The following TRPM3 variants were observed in gnomAD, a reference collection of about 807,000 sequenced individuals.
The protein encoded by TRPM3 is transient receptor potential cation channel subfamily M member 3.
TRPM3 carries 77 observed loss-of-function variants against 181.2 expected under a neutral mutation model. The ratio of observed to expected loss-of-function variants is 0.42; its 90% CI spans 0.35 to 0.51. The LOEUF is 0.51. TRPM3 is among the 20% of genes least tolerant of loss of function. The probability of loss-of-function intolerance (pLI) is 0.01; values close to 1 mark genes in which losing one functional copy is unlikely to be tolerated. For synonymous variants in TRPM3, 745 were observed against 796.4 expected (o/e 0.94, Z 1.09); for missense variants, 1,759 against 2,196.7 (o/e 0.80, Z 3.98).
chr9:71,041,974 TA>T (rs1488967498), intron 1 of TRPM3, among the ~76,000 whole-genome samples: 1 of 152,174 alleles, frequency 6.6e-6, no homozygotes, highest in Non-Finnish European at 1.5e-5. Flanking sequence ...AATTATTGAA[TA>T]CCAATTTCAT....
intron 1 of TRPM3, among the ~76,000 whole-genome samples, chr9:71,130,041 A>G (rs768694): frequency 0.1 from 15,594 of 152,240 alleles, 989 homozygotes; most frequent in Non-Finnish European, 0.15. Context: ...TTTTGCAAAT[A>G]TGAGGTAAGT....
intron 25 of TRPM3, 138 bp downstream of exon 25, chr9:70,549,404 C>T: frequency 2.6e-6 from 3 of 1,167,924 alleles, no homozygotes; most frequent in South Asian, 1.7e-5. Flanking sequence ...GTTCTGTTCT[C>T]TCATAAGCTC....
At chr9:70,540,551 C>G (rs145491105) in intron 25 of TRPM3, among the ~76,000 whole-genome samples, 1 of 152,228 alleles carries the variant, frequency 6.6e-6, no homozygotes, top group East Asian at 1.9e-4. Context: ...ACAGAAGAGT[C>G]AGGACCTAAA....
At chr9:70,985,736 A>T (rs769924507) in intron 1 of TRPM3, among the ~76,000 whole-genome samples, 14 of 152,122 alleles carry the variant, frequency 9.2e-5, no homozygotes, top group Non-Finnish European at 1.9e-4. Context: ...TAATCTCTGC[A>T]CTCATGCAAT....
chr9:71,435,030 T>C (rs2094011836), intron 1 of TRPM3, among the ~76,000 whole-genome samples: 1 of 152,140 alleles, frequency 6.6e-6, no homozygotes, highest in Admixed American at 6.5e-5. Flanking sequence ...CATTTTGCAA[T>C]ATCCATGGAG....
chr9:70,590,203 A>C (rs1333144472), intron 22 of TRPM3, among the ~76,000 whole-genome samples: 2 of 152,196 alleles, frequency 1.3e-5, no homozygotes, highest in Non-Finnish European at 2.9e-5. Flanking sequence ...CTTTCTTCCC[A>C]AAAAATTTCC....
At chr9:71,169,840 T>G (rs2076753493) in intron 1 of TRPM3, among the ~76,000 whole-genome samples, 1 of 150,864 alleles carries the variant, frequency 6.6e-6, no homozygotes, top group Non-Finnish European at 1.5e-5. Context: ...ATTTTTATAT[T>G]TTTTATAAAA....
intron 1 of TRPM3, among the ~76,000 whole-genome samples, chr9:71,218,028 T>C (rs1247512360): frequency 6.6e-6 from 1 of 152,210 alleles, no homozygotes; most frequent in East Asian, 1.9e-4. Context: ...AATAATTTTT[T>C]CCAATAATAA....
chr9:71,401,092 G>A (rs2093331482), intron 1 of TRPM3, among the ~76,000 whole-genome samples: 1 of 151,570 alleles, frequency 6.6e-6, no homozygotes, highest in African/African-American at 2.4e-5. Flanking sequence ...CAGCTACTCG[G>A]GAGGCTGAGG....
intron 1 of TRPM3, among the ~76,000 whole-genome samples, chr9:71,421,335 C>G: frequency 6.6e-6 from 1 of 151,652 alleles, no homozygotes; most frequent in Non-Finnish European, 1.5e-5. Context: ...TAACAAACCA[C>G]CAATCTACTC....
chr9:70,665,067 T>A (rs1418705991), intron 9 of TRPM3, among the ~76,000 whole-genome samples: 1 of 152,112 alleles, frequency 6.6e-6, no homozygotes, highest in Admixed American at 6.5e-5. Flanking sequence ...TCCTGACAGG[T>A]CAGGGCTGGC....
intron 1 of TRPM3, among the ~76,000 whole-genome samples, chr9:70,952,226 T>C (rs2097010770): frequency 6.6e-6 from 1 of 152,196 alleles, no homozygotes; most frequent in South Asian, 2.1e-4. Flanking sequence ...ACAGCCTGAT[T>C]CCATAGCCTG....
intron 1 of TRPM3, among the ~76,000 whole-genome samples, chr9:71,235,904 A>T (rs1223790914): frequency 6.6e-6 from 1 of 152,240 alleles, no homozygotes. Context: ...CTTTATTCTC[A>T]TGAGATACTA....
At chr9:70,644,163 A>G (rs1589712236) in intron 9 of TRPM3, among the ~76,000 whole-genome samples, 1 of 152,212 alleles carries the variant, frequency 6.6e-6, no homozygotes, top group East Asian at 1.9e-4. Context: ...CAACCTCTTC[A>G]CAGAGCTTAC....
rs2040976949 is a variant in TRPM3 at position 70,532,211 on chromosome 9, GA to G, written c.*3741del. ...ATTAAACAGCCCAAACATTCAGGAAGATTAGACTGTACAGACTCAGAAAGTA... is the reference window on the plus strand; with the variant it reads ...ATTAAACAGCCCAAACATTCAGGAAGTTAGACTGTACAGACTCAGAAAGTA... On this transcript the variant is annotated 3_prime_UTR_variant, in exon 26 of 26. Transcript: ENST00000677713. The G allele has an allele frequency of 6.6e-6, 1 of 152,144 alleles. No individual in the cohort carries two copies. The highest frequency in any genetic ancestry group is 6.5e-5 in the Admixed American group (1 of 15,272). 9.4% of individuals were successfully genotyped at this position (152,144 alleles called of 1,614,324 possible).
intron 25 of TRPM3, among the ~76,000 whole-genome samples, chr9:70,538,808 A>G (rs1042431600): frequency 2.0e-5 from 3 of 152,220 alleles, no homozygotes; most frequent in African/African-American, 4.8e-5. Flanking sequence ...AAATGGGTCA[A>G]TGACATTTAC....
chr9:71,061,741 A>G (rs2061357764), intron 1 of TRPM3, among the ~76,000 whole-genome samples: 1 of 152,056 alleles, frequency 6.6e-6, no homozygotes, highest in Non-Finnish European at 1.5e-5. Context: ...CTCAGAAGGG[A>G]GATCTCTTGG....
At chr9:71,070,738 A>G (rs1338186808) in intron 1 of TRPM3, among the ~76,000 whole-genome samples, 1 of 152,220 alleles carries the variant, frequency 6.6e-6, no homozygotes, top group East Asian at 1.9e-4. Flanking sequence ...TTATGTTTGT[A>G]TAATATAAAC....
intron 1 of TRPM3, among the ~76,000 whole-genome samples, chr9:71,145,784 TAACA>T (rs2075371117): frequency 6.6e-6 from 1 of 152,136 alleles, no homozygotes; most frequent in African/African-American, 2.4e-5. Flanking sequence ...AATTGTCTTT[TAACA>T]AAGGAAACTC....
Sources: allele counts gnomAD v4.1 joint callset (sites outside exome capture counted in the v4.1 genomes callset), GRCh38; gene constraint gnomAD v4.1.1; transcripts MANE v1.5; gene names NCBI Gene and HGNC (gene_info 2026-07-23, HGNC 2026-07-21).